The following CAPZB variants were observed in gnomAD, a reference collection of about 807,000 sequenced individuals.
The protein encoded by CAPZB is F-actin-capping protein subunit beta.
CAPZB carries 2 observed loss-of-function variants against 38.1 expected under a neutral mutation model. That is an observed-to-expected ratio of 0.05 (90% confidence interval 0.02 to 0.17). CAPZB has a LOEUF of 0.17. Ranked by LOEUF, CAPZB falls within the 10% of genes least tolerant of loss-of-function variation. CAPZB has a pLI of 1.00. For missense variants in CAPZB, 161 were observed against 334.2 expected (o/e 0.48, Z 4.04); for synonymous variants, 107 against 127.4 (o/e 0.84, Z 1.08).
intron 4 of CAPZB, among the ~76,000 whole-genome samples, chr1:19,364,803 A>G (rs1569971297): frequency 6.6e-6 from 1 of 152,090 alleles, no homozygotes; most frequent in Non-Finnish European, 1.5e-5. Context: ...CATGCTACAC[A>G]TACTGAACTT....
chr1:19,349,977 G>A (rs1041192202), intron 6 of CAPZB, among the ~76,000 whole-genome samples: 14 of 152,356 alleles, frequency 9.2e-5, no homozygotes, highest in South Asian at 6.2e-4. Context: ...AGTGGCTGCC[G>A]GAAGGAAAAC....
At chr1:19,411,478 C>T (rs1347704455) in intron 2 of CAPZB, among the ~76,000 whole-genome samples, 1 of 152,172 alleles carries the variant, frequency 6.6e-6, no homozygotes, top group Non-Finnish European at 1.5e-5. Flanking sequence ...TCTAGGACAG[C>T]TCAGGACTGG....
At chr1:19,372,484 C>A (rs1356584110) in intron 4 of CAPZB, among the ~76,000 whole-genome samples, 1 of 152,188 alleles carries the variant, frequency 6.6e-6, no homozygotes, top group Admixed American at 6.5e-5. Flanking sequence ...GGTTTCCTAT[C>A]TTCTCCAGGA....
intron 1 of CAPZB, among the ~76,000 whole-genome samples, chr1:19,458,708 G>A (rs761273847): frequency 2.6e-5 from 4 of 152,190 alleles, no homozygotes; most frequent in South Asian, 2.1e-4. Flanking sequence ...CCTGCTCTGC[G>A]CTACCACCCC....
intron 8 of CAPZB, among the ~76,000 whole-genome samples, chr1:19,343,606 CCTCCTGACT>C (rs1558167623): frequency 6.6e-6 from 1 of 152,208 alleles, no homozygotes; most frequent in African/African-American, 2.4e-5. Context: ...GAGATCCCGG[CCTCCTGACT>C]CTCCTGACTC....
At chr1:19,358,344 G>A (rs111531965) in intron 4 of CAPZB, among the ~76,000 whole-genome samples, 15 of 152,254 alleles carry the variant, frequency 9.9e-5, no homozygotes, top group African/African-American at 3.6e-4. Context: ...TGCCATGTTG[G>A]CCAGGCTGGT....
chr1:19,468,579 G>A (rs546035793), intron 1 of CAPZB, among the ~76,000 whole-genome samples: 2 of 152,178 alleles, frequency 1.3e-5, no homozygotes, highest in East Asian at 1.9e-4. Context: ...GAGCAGGGCA[G>A]GGCAGAGCAG....
rs563160542 is a variant in CAPZB at position 19,427,429 on chromosome 1, T to A, written c.4-7679A>T. ...AAACTCTGCTGGCGCCCAGAATGAC[T>A]TACCACAAATTTATGGAGTCTCACT... On this transcript the variant is annotated intron_variant, in intron 1 of 8. Coordinates refer to ENST00000264202, the MANE Select transcript of CAPZB (RefSeq NM_004930.5). 2.6e-5 allele frequency among the ~76,000 whole-genome samples: 4 copies of A among 152,304 alleles called. No individual in the cohort carries two copies. The South Asian group carries it at 8.3e-4, about 32-fold the overall frequency.
rs115312240 is a variant in CAPZB, at chr1:19,349,455, G to A, written c.589-4203C>T. 5.9e-3 allele frequency among the ~76,000 whole-genome samples: 898 copies of A among 152,230 alleles called. 13 individuals carry two copies. The highest frequency in any genetic ancestry group is 0.021 in the African/African-American group (861 of 41,522). ...GGGATGAGGGTTTTGAGCTCACTGT[G>A]GGCCCCATTTTAAATGGGCACCAAC... is the stretch of plus-strand genomic sequence containing the variant. On this transcript the variant is annotated intron_variant, in intron 6 of 8. Coordinates refer to ENST00000264202, the MANE Select transcript of CAPZB (RefSeq NM_004930.5).
intron 8 of CAPZB, among the ~76,000 whole-genome samples, chr1:19,341,826 A>C (rs2093930893): frequency 6.6e-6 from 1 of 152,200 alleles, no homozygotes; most frequent in South Asian, 2.1e-4. Context: ...ACGGCCTCGG[A>C]AAAGCAGCTC....
At chr1:19,394,062 G>A (rs868397057) in intron 2 of CAPZB, among the ~76,000 whole-genome samples, 8 of 152,224 alleles carry the variant, frequency 5.3e-5, no homozygotes, top group Admixed American at 1.3e-4. Flanking sequence ...GTGCAGTGGC[G>A]CGATCTCGGC....
intron 2 of CAPZB, among the ~76,000 whole-genome samples, chr1:19,386,859 T>A (rs115947458): frequency 6.6e-6 from 1 of 152,204 alleles, no homozygotes; most frequent in African/African-American, 2.4e-5. Flanking sequence ...CCCAAAGAGA[T>A]AGACATACAC....
At position 19,403,667 on chromosome 1, in the gene CAPZB, G is replaced by C. The variant is rs567087734; in HGVS notation, c.93+15994C>G. 2.2e-3 allele frequency among the ~76,000 whole-genome samples: 339 copies of C among 152,338 alleles called. 1 individual carries two copies. Among genetic ancestry groups the C allele is most frequent in the Non-Finnish European group, 4.0e-3 (275 of 68,032 alleles). The stretch of plus-strand genomic sequence containing the variant: ...CAGGCAGGGGATGACAGGCAGGAAG[G>C]CCTGTCTACAGGCTATTATAACACT... On this transcript the variant is annotated intron_variant, in intron 2 of 8. Coordinates refer to ENST00000264202, the MANE Select transcript of CAPZB (RefSeq NM_004930.5).
At chr1:19,371,760 G>A (rs1035162082) in intron 4 of CAPZB, among the ~76,000 whole-genome samples, 8 of 152,200 alleles carry the variant, frequency 5.3e-5, no homozygotes, top group Non-Finnish European at 1.2e-4. Flanking sequence ...CCACACTCAC[G>A]TCCCGAGGAA....
chr1:19,386,740 C>T (rs2100216846), intron 2 of CAPZB, among the ~76,000 whole-genome samples: 1 of 152,336 alleles, frequency 6.6e-6, no homozygotes, highest in South Asian at 2.1e-4. Context: ...CTTTAGAACT[C>T]AGCTTGGAAA....
chr1:19,367,404 T>G (rs2094095282), intron 4 of CAPZB, among the ~76,000 whole-genome samples: 2 of 152,226 alleles, frequency 1.3e-5, no homozygotes, highest in Admixed American at 6.5e-5. Flanking sequence ...AACCTCGACG[T>G]GTTGTGAGCT....
chr1:19,468,783 T>C (rs527585051), intron 1 of CAPZB, among the ~76,000 whole-genome samples: 16 of 151,908 alleles, frequency 1.1e-4, no homozygotes, highest in Non-Finnish European at 1.8e-4. Flanking sequence ...GGCCACTGAG[T>C]CGGCACACGC....
At chr1:19,419,558 G>T (rs2094393422) in intron 2 of CAPZB, 103 bp downstream of exon 2, 4 of 702,228 alleles carry the variant, frequency 5.7e-6, no homozygotes, top group South Asian at 5.0e-5. Context: ...GCCAGGGAGA[G>T]AAAAGGTTTC....
At chr1:19,475,986 G>A (rs2094605233) in intron 1 of CAPZB, among the ~76,000 whole-genome samples, 1 of 152,138 alleles carries the variant, frequency 6.6e-6, no homozygotes, top group South Asian at 2.1e-4. Context: ...GGCAGAACAA[G>A]GGTAACCAAC....
Sources: gnomAD v4.1 joint callset for allele counts (sites outside exome capture counted in the v4.1 genomes callset) on GRCh38, gnomAD v4.1.1 for gene constraint, MANE v1.5 for transcripts, NCBI Gene and HGNC (gene_info 2026-07-23, HGNC 2026-07-21) for gene names.